XYLT1: variants seen among roughly 807,000 people sequenced by gnomAD.
The protein encoded by XYLT1 is xylosyltransferase 1, also known as beta-D-xylosyltransferase 1.
A neutral mutation model predicts 91.3 loss-of-function variants in XYLT1; 36 were observed. That is an observed-to-expected ratio of 0.39 (90% CI 0.30 to 0.52). XYLT1 has a LOEUF of 0.52. Ranked by LOEUF, XYLT1 falls within the 20% of genes least tolerant of loss-of-function variation. The probability of loss-of-function intolerance (pLI) is 0.68; values close to 1 mark genes in which losing one functional copy is unlikely to be tolerated. For synonymous variants in XYLT1, 588 were observed against 532.0 expected, an observed-to-expected ratio of 1.11 and a Z score of -1.45; for missense variants, 1,242 against 1,284.5, an observed-to-expected ratio of 0.97 and a Z score of 0.51.
chr16:17,169,690 G>A (rs1023526923), intron 5 of XYLT1, among the ~76,000 whole-genome samples: 7 of 151,990 alleles, frequency 4.6e-5, no homozygotes, highest in Middle Eastern at 3.2e-3. Flanking sequence ...GGTGGGGATC[G>A]TGTGTGTGCA....
At chr16:17,272,817 C>T (rs547318046) in intron 2 of XYLT1, among the ~76,000 whole-genome samples, 7 of 152,306 alleles carry the variant, frequency 4.6e-5, no homozygotes, top group African/African-American at 1.7e-4. Context: ...CAGGCTCTTC[C>T]GGGAGGCCTT....
chr16:17,216,773 A>G (rs2032868991), intron 3 of XYLT1, among the ~76,000 whole-genome samples: 1 of 152,206 alleles, frequency 6.6e-6, no homozygotes, highest in African/African-American at 2.4e-5. Context: ...CAAGTAATGG[A>G]GCTAGGATGT....
At chr16:17,279,352 C>A (rs1026080136) in intron 2 of XYLT1, among the ~76,000 whole-genome samples, 1 of 152,172 alleles carries the variant, frequency 6.6e-6, no homozygotes, top group African/African-American at 2.4e-5. Context: ...GTAGCTGTTA[C>A]TAGTATGATC....
At chr16:17,399,556 T>A (rs895689001) in intron 1 of XYLT1, among the ~76,000 whole-genome samples, 7 of 152,258 alleles carry the variant, frequency 4.6e-5, no homozygotes, top group Non-Finnish European at 1.0e-4. Flanking sequence ...CAACCGCAGC[T>A]GCCAGCATCA....
At chr16:17,298,476 T>G (rs187716943) in intron 2 of XYLT1, among the ~76,000 whole-genome samples, 31 of 152,186 alleles carry the variant, frequency 2.0e-4, no homozygotes, top group African/African-American at 7.2e-4. Flanking sequence ...TGCTATTGAG[T>G]GGAGGACTGC....
chr16:17,451,692 G>A (rs1188773590), intron 1 of XYLT1, among the ~76,000 whole-genome samples: 1 of 152,190 alleles, frequency 6.6e-6, no homozygotes, highest in East Asian at 1.9e-4. Flanking sequence ...AAACCAACAA[G>A]GTCGGCTTCC....
At chr16:17,389,303 C>T (rs1042570000) in intron 1 of XYLT1, among the ~76,000 whole-genome samples, 2 of 152,124 alleles carry the variant, frequency 1.3e-5, no homozygotes, top group Non-Finnish European at 2.9e-5. Context: ...TGGAGTGCAG[C>T]GGCACGATCC....
intron 3 of XYLT1, among the ~76,000 whole-genome samples, chr16:17,221,875 G>A (rs979535270): frequency 6.6e-6 from 1 of 152,136 alleles, no homozygotes; most frequent in African/African-American, 2.4e-5. Flanking sequence ...TCCCAAAATC[G>A]CAGTGGCTTG....
chr16:17,130,276 A>G (rs1367047462), intron 9 of XYLT1, among the ~76,000 whole-genome samples: 2 of 152,264 alleles, frequency 1.3e-5, no homozygotes, highest in East Asian at 3.8e-4. Context: ...ACATGAATGC[A>G]TATTGTTTCA....
At position 17,406,495 on chromosome 16, in the gene XYLT1, T is replaced by C. The variant is rs116005165; in HGVS notation, c.364-48445A>G. On this transcript the variant is annotated intron_variant, in intron 1 of 11. Transcript: ENST00000261381. ...CCCATGGGGCCTAAACTAGACTAAG[T>C]TGGTTTCCGTCACTCACAGCCAGAG... Among the ~76,000 whole-genome samples, 662 of 152,324 alleles carry C rather than the reference T, an allele frequency of 4.3e-3. 5 individuals carry two copies. Among genetic ancestry groups the C allele is most frequent in the African/African-American group, 0.015 (641 of 41,580 alleles).
chr16:17,205,019 G>A (rs2032616583), intron 3 of XYLT1, among the ~76,000 whole-genome samples: 1 of 149,852 alleles, frequency 6.7e-6, no homozygotes, highest in South Asian at 2.1e-4. Flanking sequence ...AGATTCCCAT[G>A]GCACAAAACA....
intron 1 of XYLT1, among the ~76,000 whole-genome samples, chr16:17,435,553 TG>T (rs2036446046): frequency 6.6e-6 from 1 of 151,876 alleles, no homozygotes. Flanking sequence ...AAGGTGGCTG[TG>T]GGTTTGGTTA....
At chr16:17,366,061 C>CTT (rs11398471) in intron 1 of XYLT1, among the ~76,000 whole-genome samples, 14,326 of 128,532 alleles carry the variant, frequency 0.11, 1,007 homozygotes, top group African/African-American at 0.17. Context: ...AGCTGGTTTG[C>CTT]TTTTTTTTTT....
chr16:17,219,294 A>G (rs2032918947), intron 3 of XYLT1, among the ~76,000 whole-genome samples: 1 of 138,772 alleles, frequency 7.2e-6, no homozygotes. Context: ...AAAAAAAAAA[A>G]AAAAAAAGAA....
chr16:17,231,252 A>G (rs2033152634), intron 3 of XYLT1, among the ~76,000 whole-genome samples: 2 of 152,220 alleles, frequency 1.3e-5, no homozygotes, highest in Non-Finnish European at 2.9e-5. Flanking sequence ...GGCAATAATC[A>G]CTATCATTCT....
At chr16:17,260,026 G>C (rs548462364) in intron 2 of XYLT1, among the ~76,000 whole-genome samples, 1 of 147,450 alleles carries the variant, frequency 6.8e-6, no homozygotes, top group Admixed American at 6.8e-5. Flanking sequence ...AAAGAAACCA[G>C]CCGCAATTTT....
At chr16:17,201,020 G>A (rs940755726) in intron 3 of XYLT1, among the ~76,000 whole-genome samples, 1 of 152,206 alleles carries the variant, frequency 6.6e-6, no homozygotes, top group African/African-American at 2.4e-5. Flanking sequence ...GTGAACGTAA[G>A]ATACATGTGT....
chr16:17,459,264 C>T (rs190072111), intron 1 of XYLT1, among the ~76,000 whole-genome samples: 1 of 152,100 alleles, frequency 6.6e-6, no homozygotes, highest in East Asian at 1.9e-4. Flanking sequence ...CCCACCTACT[C>T]AGGGGGCTGA....
At chr16:17,196,354 T>A (rs1454335928) in intron 5 of XYLT1, among the ~76,000 whole-genome samples, 1 of 152,244 alleles carries the variant, frequency 6.6e-6, no homozygotes, top group Non-Finnish European at 1.5e-5. Context: ...ATATTTTAGG[T>A]ATAAGCATCA....
Sources: allele counts gnomAD v4.1 joint callset (sites outside exome capture counted in the v4.1 genomes callset), GRCh38; gene constraint gnomAD v4.1.1; transcripts MANE v1.5; gene names NCBI Gene and HGNC (gene_info 2026-07-23, HGNC 2026-07-21).